Variants in HIVEP2 observed in about 807,000 individuals in gnomAD.
HIVEP2 encodes the protein transcription factor HIVEP2.
HIVEP2 carries 14 observed loss-of-function variants against 180.7 expected under a neutral mutation model. That is an observed-to-expected ratio of 0.08 (90% confidence interval 0.05 to 0.12). The LOEUF (loss-of-function observed/expected upper bound fraction) is 0.12, where lower values mean the gene tolerates loss of function less well. Ranked by LOEUF, HIVEP2 falls within the 10% of genes least tolerant of loss-of-function variation. The probability of loss-of-function intolerance (pLI) is 1.00; values close to 1 mark genes in which losing one functional copy is unlikely to be tolerated. For missense variants in HIVEP2, 2,579 were observed against 3,008.5 expected, an observed-to-expected ratio of 0.86 and a Z score of 3.34; for synonymous variants, 1,184 against 1,136.4, an observed-to-expected ratio of 1.04 and a Z score of -0.84.
At chr6:142,929,440 A>C (rs1219322734) in intron 1 of HIVEP2, among the ~76,000 whole-genome samples, 2 of 152,210 alleles carry the variant, frequency 1.3e-5, no homozygotes, top group Admixed American at 6.5e-5. Context: ...GAATAAATAC[A>C]CAATTGAAAA....
chr6:142,862,813 T>C (rs1437282573), intron 1 of HIVEP2, among the ~76,000 whole-genome samples: 1 of 134,504 alleles, frequency 7.4e-6, no homozygotes, highest in Admixed American at 7.8e-5. Flanking sequence ...AGATATCATA[T>C]ATATTTTTAT....
At chr6:142,893,426 A>G (rs1444479793) in intron 1 of HIVEP2, among the ~76,000 whole-genome samples, 2 of 152,206 alleles carry the variant, frequency 1.3e-5, no homozygotes, top group Admixed American at 6.5e-5. Context: ...TAATCATAAG[A>G]AAAATCACGT....
At chr6:142,776,797 C>T (rs1015152617) in intron 3 of HIVEP2, among the ~76,000 whole-genome samples, 1 of 152,040 alleles carries the variant, frequency 6.6e-6, no homozygotes, top group Admixed American at 6.5e-5. Flanking sequence ...CCTCCCAAAG[C>T]GTTAGGATTA....
At chr6:142,848,112 C>T (rs887574642) in intron 1 of HIVEP2, among the ~76,000 whole-genome samples, 1 of 152,160 alleles carries the variant, frequency 6.6e-6, no homozygotes, top group Non-Finnish European at 1.5e-5. Context: ...CTAATCCTAA[C>T]AACATAAGGA....
At chr6:142,791,772 CAAGT>C (rs1188517752) in intron 2 of HIVEP2, among the ~76,000 whole-genome samples, 1 of 151,916 alleles carries the variant, frequency 6.6e-6, no homozygotes, top group African/African-American at 2.4e-5. Flanking sequence ...TCAATGACAC[CAAGT>C]AAGAATTAAA....
intron 1 of HIVEP2, among the ~76,000 whole-genome samples, chr6:142,868,601 C>T (rs886326235): frequency 6.6e-6 from 1 of 152,244 alleles, no homozygotes; most frequent in South Asian, 2.1e-4. Context: ...TCAGTATGTG[C>T]ATGAGGAATA....
intron 1 of HIVEP2, among the ~76,000 whole-genome samples, chr6:142,929,625 C>T (rs1777895024): frequency 6.6e-6 from 1 of 152,152 alleles, no homozygotes; most frequent in Non-Finnish European, 1.5e-5. Context: ...ACTTTTGTTA[C>T]TTAAAGTACA....
At chr6:142,941,964 T>C (rs868140842) in intron 1 of HIVEP2, among the ~76,000 whole-genome samples, 1 of 152,142 alleles carries the variant, frequency 6.6e-6, no homozygotes, top group South Asian at 2.1e-4. Context: ...TTTTAACAAA[T>C]AGGAGATGAG....
In HIVEP2 at chr6:142,770,631, C is replaced by T. The variant is rs376512574; in HGVS notation, c.4108G>A (p.Asp1370Asn). ...AGTGTCCTTTGGGTCATATTCTCAT[C>T]GACTTTGCATATGACAATGGCAGGG... ...NSPAIVICKVDENMTQRTLVT... is the reference protein window; with the variant it reads ...NSPAIVICKVNENMTQRTLVT... Residue 1370 changes from aspartate (D) to asparagine (N), a missense_variant, in exon 5 of 10, where the codon GAT (aspartate) becomes AAT (asparagine). Coordinates refer to ENST00000367603, the MANE Select transcript of HIVEP2 (RefSeq NM_006734.4). This position sits in a 1 kb window ranked among gnomAD's most constrained non-coding sequence, Gnocchi z 4.7. 22 of 1,614,078 alleles carry T rather than the reference C, an allele frequency of 1.4e-5. No homozygotes were observed. The highest frequency in any genetic ancestry group is 2.2e-5 in the South Asian group (2 of 91,092).
rs2114582101 is a variant in HIVEP2 at position 142,753,279 on chromosome 6, T to C, written c.7169A>G (p.His2390Arg). ...PCTSATHPDLHDGEKDNFGTS... is the reference protein window; with the variant it reads ...PCTSATHPDLRDGEKDNFGTS... ...ACCAAAATTGTCCTTTTCACCATCA[T>C]GCAAGTCAGGGTGGGTGGCTGAGGT... Residue 2390 changes from histidine to arginine, a missense_variant, in exon 10 of 10, where the codon CAT becomes CGT. By Grantham distance (29) the His-to-Arg change is conservative. Coordinates refer to ENST00000367603, the MANE Select transcript of HIVEP2 (RefSeq NM_006734.4). 2 of 1,614,200 alleles carry C rather than the reference T, an allele frequency of 1.2e-6. No homozygotes were observed. The highest frequency in any genetic ancestry group is 8.5e-7 in the Non-Finnish European group (1 of 1,180,032).
At chr6:142,887,775 A>G (rs907709042) in intron 1 of HIVEP2, among the ~76,000 whole-genome samples, 3 of 152,196 alleles carry the variant, frequency 2.0e-5, no homozygotes, top group African/African-American at 7.2e-5. Flanking sequence ...TCCTCCAATG[A>G]AGAAGTTAAA....
intron 2 of HIVEP2, among the ~76,000 whole-genome samples, chr6:142,830,097 C>A (rs1227305370): frequency 6.6e-6 from 1 of 152,172 alleles, no homozygotes; most frequent in African/African-American, 2.4e-5. Flanking sequence ...CCAATCAACT[C>A]ACTGCTACCA....
chr6:142,930,273 C>G (rs1777912596), intron 1 of HIVEP2, among the ~76,000 whole-genome samples: 1 of 152,194 alleles, frequency 6.6e-6, no homozygotes, highest in Admixed American at 6.5e-5. Context: ...ATCATGCACA[C>G]ATACTCATGA....
rs769240731 is a variant in HIVEP2, at chr6:142,771,138, T to C, written c.3601A>G (p.Ile1201Val). 2 of 1,614,098 alleles carry C rather than the reference T, an allele frequency of 1.2e-6. No homozygotes were observed. The highest frequency in any genetic ancestry group is 1.3e-5 in the African/African-American group (1 of 74,940). Residue 1201 changes from isoleucine (I) to valine (V), a missense_variant, in exon 5 of 10, where the codon ATC (isoleucine) becomes GTC (valine). Transcript: ENST00000367603. This position sits in a 1 kb window ranked among gnomAD's most constrained non-coding sequence, Gnocchi z 5.4. ...TGAAACTGAAACAAGGCATTCTGGA[T>C]TGGAGAAAATGGAATTGTCTCTTGA... is the stretch of plus-strand genomic sequence containing the variant. ...PHQETIPFSP[I>V]QNALFQFQYP...
chr6:142,891,342 A>C (rs991165641), intron 1 of HIVEP2, among the ~76,000 whole-genome samples: 16 of 151,838 alleles, frequency 1.1e-4, no homozygotes, highest in African/African-American at 3.9e-4. Context: ...CACATCAAGA[A>C]TTTTAGCAAA....
chr6:142,924,995 T>C (rs534154424), intron 1 of HIVEP2, among the ~76,000 whole-genome samples: 1 of 152,316 alleles, frequency 6.6e-6, no homozygotes, highest in East Asian at 1.9e-4. Context: ...GCCACATCTT[T>C]TGAGGCCACA....
chr6:142,909,056 T>C (rs1777337759), intron 1 of HIVEP2, among the ~76,000 whole-genome samples: 1 of 152,126 alleles, frequency 6.6e-6, no homozygotes, highest in Non-Finnish European at 1.5e-5. Flanking sequence ...AGCAGGTGTA[T>C]CATTTTAGAG....
chr6:142,830,629 A>G lies in HIVEP2; in HGVS notation c.-528+6306T>C, dbSNP rs1240858715. On this transcript the variant is annotated intron_variant, in intron 2 of 9. Coordinates refer to ENST00000367603, the MANE Select transcript of HIVEP2 (RefSeq NM_006734.4). ...TTCCAGTGAATTCCTGTTTCCAACT[A>G]TAAACCCTCATGAAAAACGAAAAGT... 3.3e-5 allele frequency among the ~76,000 whole-genome samples: 5 copies of G among 152,224 alleles called. No individual in the cohort carries two copies. The East Asian group carries it at 9.6e-4, about 29-fold the overall frequency.
Position 142,934,879 on chromosome 6 carries a change from C to T in HIVEP2, c.-641+10220G>A, listed in dbSNP as rs371939175. Among the ~76,000 whole-genome samples, 43 of 152,268 alleles carry T rather than the reference C, an allele frequency of 2.8e-4. No homozygotes were observed. The South Asian group carries it at 8.9e-3, about 32-fold the overall frequency. ...GGGTGTGTAGTGGTGGAAAGGAATA[C>T]ACTCCCTCTTTCACACCTAATTGAT... is the stretch of plus-strand genomic sequence containing the variant. On this transcript the variant is annotated intron_variant, in intron 1 of 9. Coordinates refer to ENST00000367603, the MANE Select transcript of HIVEP2 (RefSeq NM_006734.4).
Sources: allele counts gnomAD v4.1 joint callset (sites outside exome capture counted in the v4.1 genomes callset), GRCh38; gene constraint gnomAD v4.1.1; non-coding constraint Gnocchi (gnomAD v3.1); transcripts MANE v1.5; gene names NCBI Gene and HGNC (gene_info 2026-07-23, HGNC 2026-07-21).